ZNF605: variants seen among roughly 807,000 people sequenced by gnomAD.
ZNF605 encodes zinc finger protein 605.
A neutral mutation model predicts 7.9 loss-of-function variants in ZNF605; 9 were observed. That is an observed-to-expected ratio of 1.14 (90% CI 0.68 to 1.98). The LOEUF is 1.98. Among genes scored for constraint, ZNF605 ranks in the 30% most tolerant of loss-of-function variants. The pLI is 0.00. For missense variants in ZNF605, 673 were observed against 762.4 expected (o/e 0.88, Z 1.38); for synonymous variants, 255 against 260.1 (o/e 0.98, Z 0.19).
intron 1 of ZNF605, among the ~76,000 whole-genome samples, chr12:132,949,620 T>C (rs1183965329): frequency 6.6e-6 from 1 of 152,120 alleles, no homozygotes; most frequent in African/African-American, 2.4e-5. Context: ...GCGCCTGGCA[T>C]TGGCTCCCAA....
At chr12:132,929,675 G>A (rs887611031) in intron 4 of ZNF605, among the ~76,000 whole-genome samples, 5 of 152,054 alleles carry the variant, frequency 3.3e-5, no homozygotes, top group African/African-American at 7.2e-5. Context: ...GGCCGGGTGC[G>A]GTGGCTCACG....
intron 1 of ZNF605, among the ~76,000 whole-genome samples, chr12:132,956,033 C>A (rs1427869643): frequency 2.0e-5 from 3 of 149,628 alleles, no homozygotes; most frequent in Non-Finnish European, 4.5e-5. Context: ...CCCCCGCGCG[C>A]CCCCAGAGCC....
At position 132,918,747 on chromosome 12, in the gene ZNF605, T is replaced by A. The variant is rs1029109214; in HGVS notation, c.*6626A>T. The A allele has an allele frequency of 3.9e-5, 6 of 152,314 alleles. No individual in the cohort carries two copies. In the East Asian group the frequency reaches 1.2e-3, roughly 29 times the overall value. The allele number at this position is 152,314 out of a possible 1,614,324, so 9.4% of individuals were successfully genotyped here. On this transcript the variant is annotated 3_prime_UTR_variant, in exon 5 of 5. Coordinates refer to ENST00000360187, the MANE Select transcript of ZNF605 (RefSeq NM_183238.4). ...AGGTGCTCCACCACACCCGGCTATTTTTTTTGTTTTGTATGTTTAGTAGAG... is the reference window on the plus strand; with the variant it reads ...AGGTGCTCCACCACACCCGGCTATTATTTTTGTTTTGTATGTTTAGTAGAG...
chr12:132,956,109 G>C (rs1952635144), intron 1 of ZNF605, 134 bp downstream of exon 1: 1 of 149,922 alleles, frequency 6.7e-6, no homozygotes, highest in African/African-American at 2.4e-5. Context: ...CGCCCCAGCC[G>C]GCAGCCAGCT....
chr12:132,952,991 G>A (rs2137168979), intron 1 of ZNF605, among the ~76,000 whole-genome samples: 1 of 151,928 alleles, frequency 6.6e-6, no homozygotes, highest in Middle Eastern at 3.4e-3. Flanking sequence ...ACAAACCACT[G>A]AACTCCGCAG....
At chr12:132,934,698 C>A in intron 3 of ZNF605, among the ~76,000 whole-genome samples, 1 of 104,068 alleles carries the variant, frequency 9.6e-6, no homozygotes, top group Admixed American at 1.0e-4. Context: ...GAGCAAGATT[C>A]CGTCTAAAAA....
At position 132,942,142 on chromosome 12, in the gene ZNF605, C is replaced by T. The variant is rs764769892; in HGVS notation, c.15+3479G>A. Among the ~76,000 whole-genome samples, 393 of 152,220 alleles carry T rather than the reference C, an allele frequency of 2.6e-3. 1 individual carries two copies. Among genetic ancestry groups the T allele is most frequent in the South Asian group, 5.0e-3 (24 of 4,824 alleles). ...ACATTTTGTTCTTAAGTTTTGATTA[C>T]TACATGGGACACACAGGTAACAGAA... On this transcript the variant is annotated intron_variant, in intron 3 of 4. Coordinates refer to ENST00000360187, the MANE Select transcript of ZNF605 (RefSeq NM_183238.4).
At chr12:132,931,274 C>T (rs1426141824) in intron 4 of ZNF605, among the ~76,000 whole-genome samples, 6 of 152,188 alleles carry the variant, frequency 3.9e-5, no homozygotes, top group Non-Finnish European at 7.3e-5. Flanking sequence ...CTTTCCTTAT[C>T]TGGGTCCATA....
intron 1 of ZNF605, among the ~76,000 whole-genome samples, chr12:132,953,013 T>A (rs1952588666): frequency 6.6e-6 from 1 of 151,872 alleles, no homozygotes; most frequent in African/African-American, 2.4e-5. Context: ...TCCAAGCCCC[T>A]GCCAACCTCC....
chr12:132,946,798 C>G (rs965995118), intron 2 of ZNF605, among the ~76,000 whole-genome samples: 4 of 152,294 alleles, frequency 2.6e-5, no homozygotes, highest in African/African-American at 9.6e-5. Flanking sequence ...CCCCTGAGCG[C>G]CCCTCTGCTT....
At position 132,945,790 on chromosome 12, in the gene ZNF605, G is replaced by T; in HGVS notation, c.-155C>A. 2 of 1,066,232 alleles carry T rather than the reference G, an allele frequency of 1.9e-6. No homozygotes were observed. Among genetic ancestry groups the T allele is most frequent in the Non-Finnish European group, 2.9e-6 (2 of 695,716 alleles). 66.0% of individuals were successfully genotyped at this position (1,066,232 alleles called of 1,614,324 possible). A position where few individuals can be genotyped will look rare whatever the true frequency, so the allele number is the denominator to read the frequency against. On this transcript the variant is annotated 5_prime_UTR_variant, in exon 3 of 5. Transcript: ENST00000360187. ...CACATGAATTGTCTTGTTCCAGAGGGCTATTGCCTGTGGATGCAGTGGACA... is the reference window on the plus strand; with the variant it reads ...CACATGAATTGTCTTGTTCCAGAGGTCTATTGCCTGTGGATGCAGTGGACA...
At position 132,951,245 on chromosome 12, in the gene ZNF605, G is replaced by A. The variant is rs909436692; in HGVS notation, c.-285-2975C>T. ...GTACATCACACATACACTCAGACAC[G>A]TACATACAGACGCACATGTACATCA... is the stretch of plus-strand genomic sequence containing the variant. On this transcript the variant is annotated intron_variant, in intron 1 of 4. Transcript: ENST00000360187. Among the ~76,000 whole-genome samples the A allele has an allele frequency of 4.1e-5, 6 of 146,840 alleles. No individual in the cohort carries two copies. The South Asian group carries it at 8.7e-4, about 21-fold the overall frequency.
chr12:132,935,597 A>AT (rs1952355713), intron 3 of ZNF605, among the ~76,000 whole-genome samples: 1 of 150,552 alleles, frequency 6.6e-6, no homozygotes, highest in African/African-American at 2.4e-5. Flanking sequence ...GAATGCACAC[A>AT]TAAAAAAAAA....
rs551127168 is a variant in ZNF605, at chr12:132,941,248, G to A, written c.15+4373C>T. 9.2e-4 allele frequency among the ~76,000 whole-genome samples: 140 copies of A among 152,158 alleles called. 5 individuals carry two copies. In the South Asian group the frequency reaches 0.026, roughly 29 times the overall value. ...CAGACATGGCCTAGACCGAGCCTCC[G>A]CGTGTGCTGCTTCTGCTCTCAGAAG... On this transcript the variant is annotated intron_variant, in intron 3 of 4. Coordinates refer to ENST00000360187, the MANE Select transcript of ZNF605 (RefSeq NM_183238.4). This position sits in a 1 kb window ranked among gnomAD's most constrained non-coding sequence, Gnocchi z 5.1.
At position 132,926,691 on chromosome 12, in the gene ZNF605, CCACA is replaced by C. The variant is rs1952251183; in HGVS notation, c.604_607del (p.Cys202GlufsTer71). 6.2e-7 allele frequency: 1 copy of C among 1,614,026 alleles called. No individual in the cohort carries two copies. Among genetic ancestry groups the C allele is most frequent in the Non-Finnish European group, 8.5e-7 (1 of 1,180,030 alleles). Reference sequence around the variant, plus strand: ...CAGTGACTTCTGTGAAAAGGCTTTTCCACACTCACTGCATTGATAGGGCTTCTCT... The same window carrying C: ...CAGTGACTTCTGTGAAAAGGCTTTTCCTCACTGCATTGATAGGGCTTCTCT... On this transcript the variant is annotated frameshift_variant, in exon 5 of 5. Transcript: ENST00000360187. LOFTEE classifies it low-confidence loss of function (END_TRUNC).
At position 132,948,234 on chromosome 12, in the gene ZNF605, G is replaced by C. The variant is rs1952514432; in HGVS notation, c.-249C>G. The C allele has an allele frequency of 6.6e-6, 1 of 152,154 alleles. No homozygotes were observed. The highest frequency in any genetic ancestry group is 1.5e-5 in the Non-Finnish European group (1 of 68,028). The allele number at this position is 152,154 out of a possible 1,614,324, so 9.4% of individuals were successfully genotyped here. A position where few individuals can be genotyped will look rare whatever the true frequency, so the allele number is the denominator to read the frequency against. On this transcript the variant is annotated 5_prime_UTR_variant, in exon 2 of 5. Transcript: ENST00000360187. ...GAGCCAAAGAACTGAAGGACACGCA[G>C]CTGCACAGGGACGCTCTTTCCTTCA...
chr12:132,952,450 CAAA>C (rs76640666), intron 1 of ZNF605, among the ~76,000 whole-genome samples: 21,200 of 88,624 alleles, frequency 0.24, 1,734 homozygotes, highest in South Asian at 0.37. Flanking sequence ...GACTCTGTCT[CAAA>C]AAAAAAAAAA....
intron 3 of ZNF605, among the ~76,000 whole-genome samples, chr12:132,942,065 G>T (rs1952448441): frequency 6.6e-6 from 1 of 152,092 alleles, no homozygotes; most frequent in African/African-American, 2.4e-5. Flanking sequence ...AAAATATTTT[G>T]TCCCTCTTGT....
rs886449645 is a variant in ZNF605, at chr12:132,926,345, G to T, written c.954C>A (p.Phe318Leu). 1.9e-6 allele frequency: 3 copies of T among 1,614,172 alleles called. No individual in the cohort carries two copies. Among genetic ancestry groups the T allele is most frequent in the Non-Finnish European group, 2.5e-6 (3 of 1,180,018 alleles). Residue 318 changes from phenylalanine to leucine, a missense_variant, in exon 5 of 5, where the codon TTC becomes TTA. Coordinates refer to ENST00000360187, the MANE Select transcript of ZNF605 (RefSeq NM_183238.4). Reference protein sequence around the residue: ...PYPCSHCGKAFFWKSQLITHQ... With the variant: ...PYPCSHCGKALFWKSQLITHQ... ...GAGTAATCAGCTGCGACTTCCAAAA[G>T]AAGGCTTTTCCACAGTGACTACATG... is the stretch of plus-strand genomic sequence containing the variant.
Sources: gnomAD v4.1 joint callset for allele counts (sites outside exome capture counted in the v4.1 genomes callset) on GRCh38, gnomAD v4.1.1 for gene constraint, Gnocchi (gnomAD v3.1) non-coding constraint, MANE v1.5 for transcripts, NCBI Gene and HGNC (gene_info 2026-07-23, HGNC 2026-07-21) for gene names.